ENOX1: variants seen among roughly 807,000 people sequenced by gnomAD.
The protein encoded by ENOX1 is candidate growth-related and time keeping constitutive hydroquinone (NADH) oxidase.
ENOX1 carries 42 observed loss-of-function variants against 82.5 expected under a neutral mutation model. That is an observed-to-expected ratio of 0.51 (90% CI 0.40 to 0.66). The LOEUF is 0.66. Ranked by LOEUF, ENOX1 falls within the 30% of genes least tolerant of loss-of-function variation. The probability of loss-of-function intolerance (pLI) is 0.00; values close to 1 mark genes in which losing one functional copy is unlikely to be tolerated. For missense variants in ENOX1, 608 were observed against 811.6 expected, an observed-to-expected ratio of 0.75 and a Z score of 3.05; for synonymous variants, 271 against 282.2, an observed-to-expected ratio of 0.96 and a Z score of 0.40.
chr13:43,489,387 T>A (rs1458008116), intron 2 of ENOX1, among the ~76,000 whole-genome samples: 1 of 152,180 alleles, frequency 6.6e-6, no homozygotes, highest in African/African-American at 2.4e-5. Flanking sequence ...CATATGGTCG[T>A]AATTCTGAGG....
rs35359203 is a variant in ENOX1, at chr13:43,772,749, TAAAAA to T, written c.-285+13898_-285+13902del. Among the ~76,000 whole-genome samples the T allele has an allele frequency of 1.3e-4, 15 of 112,098 alleles. No individual in the cohort carries two copies. The East Asian group carries it at 3.2e-3, about 24-fold the overall frequency. 73.5% of individuals were successfully genotyped at this position (112,098 alleles called of 152,430 possible). A position where few individuals can be genotyped will look rare whatever the true frequency, so the allele number is the denominator to read the frequency against. On this transcript the variant is annotated intron_variant, in intron 1 of 16. Transcript: ENST00000690772. ...GGGCGACAGAGCAAGACTCTGTCTT[TAAAAA>T]AAAAAAAAAAAAAAAAAGAAGGAAA...
chr13:43,322,808 G>T (rs1432487859), intron 10 of ENOX1, among the ~76,000 whole-genome samples: 1 of 152,142 alleles, frequency 6.6e-6, no homozygotes, highest in Non-Finnish European at 1.5e-5. Flanking sequence ...GGGCTGCAAA[G>T]ATTACATAGA....
chr13:43,338,875 C>T (rs1000773561), intron 9 of ENOX1, among the ~76,000 whole-genome samples: 10 of 151,816 alleles, frequency 6.6e-5, no homozygotes, highest in South Asian at 2.1e-4. Context: ...TTAGTAGAGA[C>T]GGGGTTTCAC....
At chr13:43,720,079 T>C (rs1360496331) in intron 1 of ENOX1, among the ~76,000 whole-genome samples, 1 of 131,598 alleles carries the variant, frequency 7.6e-6, no homozygotes, top group Non-Finnish European at 1.7e-5. Context: ...TGAAGGGAAA[T>C]TGTCTAAAAT....
intron 16 of ENOX1, among the ~76,000 whole-genome samples, chr13:43,215,196 CA>C (rs1157994653): frequency 1.3e-5 from 2 of 152,082 alleles, no homozygotes; most frequent in East Asian, 3.9e-4. Flanking sequence ...CCAAATAGAC[CA>C]AGAAGTCAAA....
intron 9 of ENOX1, among the ~76,000 whole-genome samples, chr13:43,330,450 G>T (rs532936557): frequency 6.6e-6 from 1 of 152,254 alleles, no homozygotes; most frequent in East Asian, 1.9e-4. Context: ...CAAAAGTTTT[G>T]CAGGTAAAGG....
At chr13:43,675,406 G>A (rs1289114398) in intron 1 of ENOX1, among the ~76,000 whole-genome samples, 3 of 152,166 alleles carry the variant, frequency 2.0e-5, no homozygotes, top group Non-Finnish European at 2.9e-5. Flanking sequence ...ACAGATCTCT[G>A]GAAGCAGTGG....
At chr13:43,248,095 CG>C (rs1203337749) in intron 14 of ENOX1, among the ~76,000 whole-genome samples, 1 of 150,306 alleles carries the variant, frequency 6.7e-6, no homozygotes, top group East Asian at 2.0e-4. Flanking sequence ...CCGTGTTAGC[CG>C]GGATGGTCTC....
At chr13:43,450,777 C>T (rs576111683) in intron 3 of ENOX1, among the ~76,000 whole-genome samples, 69 of 152,072 alleles carry the variant, frequency 4.5e-4, no homozygotes, top group Non-Finnish European at 7.6e-4. Context: ...ATATCAAAGG[C>T]GAGCTCATGG....
chr13:43,470,307 CATATATAT>C (rs35765969), intron 3 of ENOX1, among the ~76,000 whole-genome samples: 1 of 42,492 alleles, frequency 2.4e-5, no homozygotes, highest in African/African-American at 6.9e-5. Context: ...CATATATATA[CATATATAT>C]ACACATATAT....
intron 2 of ENOX1, among the ~76,000 whole-genome samples, chr13:43,600,813 G>T (rs2081678328): frequency 6.6e-6 from 1 of 152,148 alleles, no homozygotes; most frequent in Non-Finnish European, 1.5e-5. Flanking sequence ...CCAGCTCCAG[G>T]CAGCTCAGCA....
At chr13:43,438,063 G>T (rs540906176) in intron 3 of ENOX1, among the ~76,000 whole-genome samples, 29 of 152,304 alleles carry the variant, frequency 1.9e-4, no homozygotes, top group Non-Finnish European at 4.3e-4. Flanking sequence ...TACAGAAAAT[G>T]AGTATTTTTG....
At chr13:43,568,651 C>T (rs2080026229) in intron 2 of ENOX1, among the ~76,000 whole-genome samples, 1 of 149,996 alleles carries the variant, frequency 6.7e-6, no homozygotes, top group African/African-American at 2.5e-5. Context: ...CTAGCTTCAG[C>T]CTTTCTTTTA....
chr13:43,692,669 A>G (rs2086425843), intron 1 of ENOX1, among the ~76,000 whole-genome samples: 1 of 152,212 alleles, frequency 6.6e-6, no homozygotes, highest in African/African-American at 2.4e-5. Flanking sequence ...GAACAGGCAT[A>G]CAAATTGCCT....
At chr13:43,680,463 A>T (rs2085728486) in intron 1 of ENOX1, among the ~76,000 whole-genome samples, 1 of 152,110 alleles carries the variant, frequency 6.6e-6, no homozygotes, top group Admixed American at 6.6e-5. Context: ...TCTAAAGGGG[A>T]TAAAAAATGA....
At chr13:43,700,316 G>C (rs2086846583) in intron 1 of ENOX1, among the ~76,000 whole-genome samples, 1 of 152,072 alleles carries the variant, frequency 6.6e-6, no homozygotes, top group Admixed American at 6.5e-5. Flanking sequence ...ATATTTTCTT[G>C]GGTTTTCGAG....
chr13:43,710,631 G>C (rs1052342510), intron 1 of ENOX1, among the ~76,000 whole-genome samples: 2 of 152,128 alleles, frequency 1.3e-5, no homozygotes, highest in Admixed American at 6.6e-5. Context: ...AACATAAAAT[G>C]TGTCTATCAA....
chr13:43,509,795 C>G (rs1322375790), intron 2 of ENOX1, among the ~76,000 whole-genome samples: 2 of 152,078 alleles, frequency 1.3e-5, no homozygotes, highest in Non-Finnish European at 2.9e-5. Flanking sequence ...AAGTCCCCTT[C>G]TTGCAGAAGC....
intron 14 of ENOX1, among the ~76,000 whole-genome samples, chr13:43,238,649 G>A (rs2042666447): frequency 6.6e-6 from 1 of 152,044 alleles, no homozygotes; most frequent in Non-Finnish European, 1.5e-5. Context: ...GGAAGAAAGT[G>A]GATGGAAGAA....
Sources: gnomAD v4.1 joint callset for allele counts (sites outside exome capture counted in the v4.1 genomes callset) on GRCh38, gnomAD v4.1.1 for gene constraint, MANE v1.5 for transcripts, NCBI Gene and HGNC (gene_info 2026-07-23, HGNC 2026-07-21) for gene names.